ADAT1: variants seen among roughly 807,000 people sequenced by gnomAD.
ADAT1 encodes the protein tRNA-specific adenosine deaminase 1.
In ADAT1, 58 loss-of-function variants were observed where a neutral mutation model predicts 58.6. That is an observed-to-expected ratio of 0.99 (90% CI 0.80 to 1.23). ADAT1 has a LOEUF of 1.23. Among genes scored for constraint, ADAT1 ranks in the 50% most tolerant of loss-of-function variants. The pLI is 0.00. For synonymous variants in ADAT1, 254 were observed against 220.8 expected (o/e 1.15, Z -1.33); for missense variants, 741 against 608.6 (o/e 1.22, Z -2.29).
intron 5 of ADAT1, among the ~76,000 whole-genome samples, chr16:75,614,613 C>T (rs2081646377): frequency 6.6e-6 from 1 of 152,188 alleles, no homozygotes; most frequent in Admixed American, 6.5e-5. Context: ...TTGGAGAACT[C>T]ACCAGGGTCC....
chr16:75,615,480 TAAAAAAAAAAAAAAAAAAAAAAAA>T (rs56149357), intron 5 of ADAT1, among the ~76,000 whole-genome samples: 1 of 32,944 alleles, frequency 3.0e-5, no homozygotes, highest in Non-Finnish European at 1.2e-4. Context: ...GTTGATGAGC[TAAAAAAAAAAAAAAAAAAAAAAAA>T]AAAAAAAAAA....
In ADAT1 at chr16:75,597,662, C is replaced by T. The variant is rs376152375; in HGVS notation, c.*2554G>A. ...CACCATAAGGTAGAATCAGTAGGAG[C>T]CCTGAGCTTGTTTTCCTGCAACTAG... On this transcript the variant is annotated 3_prime_UTR_variant, in exon 10 of 10. Coordinates refer to ENST00000564657, the MANE Select transcript of ADAT1 (RefSeq NM_001324445.2). Among the ~76,000 whole-genome samples, 8 of 152,198 alleles carry T rather than the reference C, an allele frequency of 5.3e-5. No individual in the cohort carries two copies. The highest frequency in any genetic ancestry group is 3.3e-4 in the Admixed American group (5 of 15,296).
Position 75,600,276 on chromosome 16 carries a change from G to C in ADAT1, c.1449C>G (p.Leu483=), listed in dbSNP as rs757546362. 5.6e-6 allele frequency: 9 copies of C among 1,614,016 alleles called. No homozygotes were observed. The highest frequency in any genetic ancestry group is 1.6e-4 in the Middle Eastern group (1 of 6,080). The change falls in exon 10 of 10, where the codon CTC becomes CTG. Residue 483 remains leucine, a synonymous_variant. Transcript: ENST00000564657. The stretch of plus-strand genomic sequence containing the variant: ...TCCAGGATCCAAACACCTGCTTCCG[G>C]AGTGTGCTCCAGGCTTCCTGGTAAG... ...ASSYQEAWST[L]RKQVFGSWIR... is the part of the protein sequence containing the mutation.
intron 5 of ADAT1, among the ~76,000 whole-genome samples, chr16:75,613,152 C>A (rs1022082981): frequency 6.6e-5 from 10 of 152,176 alleles, no homozygotes; most frequent in African/African-American, 2.4e-4. Flanking sequence ...TCCTCTAGGG[C>A]TCTTGTTGAA....
At chr16:75,618,544 AC>A in intron 4 of ADAT1, 41 bp downstream of exon 4, 1 of 1,341,404 alleles carries the variant, frequency 7.5e-7, no homozygotes, top group Non-Finnish European at 1.0e-6. Flanking sequence ...CGGGACTCCC[AC>A]CCCAGTCCTG....
chr16:75,599,902 C>A lies in ADAT1; in HGVS notation c.*314G>T, dbSNP rs557891781. The A allele has an allele frequency of 9.3e-6, 10 of 1,072,812 alleles. No individual in the cohort carries two copies. In the South Asian group the frequency reaches 3.0e-4, roughly 32 times the overall value. 66.5% of individuals were successfully genotyped at this position (1,072,812 alleles called of 1,614,324 possible). On this transcript the variant is annotated 3_prime_UTR_variant, in exon 10 of 10. Coordinates refer to ENST00000564657, the MANE Select transcript of ADAT1 (RefSeq NM_001324445.2). ...ATATTTGCTGAATCAATGTAGGAAC[C>A]CATAAAACAGAGCTGCTGCAGAGTA...
chr16:75,608,379 A>T (rs1032619377), intron 7 of ADAT1, 56 bp from the exon 8 acceptor site: 73 of 1,405,064 alleles, frequency 5.2e-5, no homozygotes, highest in Non-Finnish European at 6.9e-5. Flanking sequence ...TGAAAGTCAG[A>T]AGTATTTTAA....
intron 8 of ADAT1, among the ~76,000 whole-genome samples, chr16:75,605,419 CT>C (rs1488976049): frequency 2.0e-5 from 3 of 152,038 alleles, no homozygotes; most frequent in Admixed American, 1.3e-4. Context: ...ATAACATTTT[CT>C]TTTTTTAGTT....
In ADAT1 at chr16:75,618,653, T is replaced by C. The variant is rs117547914; in HGVS notation, c.239-13A>G. Reference sequence around the variant, plus strand: ...TTGAGGATGTCTCCTGCGGCAAAGATAGGACACCAGGTGAAGACATATGGA... The same window carrying C: ...TTGAGGATGTCTCCTGCGGCAAAGACAGGACACCAGGTGAAGACATATGGA... On this transcript the variant is annotated splice_polypyrimidine_tract_variant and intron_variant, in intron 3 of 9. Coordinates refer to ENST00000564657, the MANE Select transcript of ADAT1 (RefSeq NM_001324445.2). 7.1e-4 allele frequency: 1,146 copies of C among 1,612,706 alleles called. 8 individuals are homozygous for C. The East Asian group carries it at 0.02, about 28-fold the overall frequency.
rs1555508674 is a variant in ADAT1 at position 75,604,456 on chromosome 16, A to AAAAAAAT, written c.1290-1286_1290-1285insATTTTTT. ...TCAAAAAAAAAAAAAAAAAAAAAAA[A>AAAAAAAT]ATATATATATATATATATACACACA... On this transcript the variant is annotated intron_variant, in intron 8 of 9. Transcript: ENST00000564657. Among the ~76,000 whole-genome samples the AAAAAAAT allele has an allele frequency of 2.5e-3, 124 of 48,752 alleles. 6 individuals are homozygous for AAAAAAAT. The highest frequency in any genetic ancestry group is 3.1e-3 in the South Asian group (3 of 962). 32.0% of individuals were successfully genotyped at this position (48,752 alleles called of 152,430 possible).
chr16:75,612,262 G>T lies in ADAT1; in HGVS notation c.1024C>A (p.Gln342Lys). ...GKCPYSQEAMQRALIGRCQNV... is the reference protein window; with the variant it reads ...GKCPYSQEAMKRALIGRCQNV... ...TCTCACCTTCCAATCAGTGCTCTCT[G>T]CATGGCTTCCTGGCTGTATGGGCAC... is the stretch of plus-strand genomic sequence containing the variant. The change falls in exon 6 of 10, where the codon CAG becomes AAG. Residue 342 changes from glutamine to lysine, a missense_variant. Physicochemically the swap from Gln to Lys is moderately conservative, Grantham distance 53. Coordinates refer to ENST00000564657, the MANE Select transcript of ADAT1 (RefSeq NM_001324445.2). The T allele has an allele frequency of 1.9e-6, 3 of 1,614,064 alleles. No individual in the cohort carries two copies. Among genetic ancestry groups the T allele is most frequent in the Non-Finnish European group, 2.5e-6 (3 of 1,179,994 alleles).
At chr16:75,617,453 G>A (rs2081770325) in intron 4 of ADAT1, among the ~76,000 whole-genome samples, 181 bp from the exon 5 acceptor site, 1 of 152,044 alleles carries the variant, frequency 6.6e-6, no homozygotes, top group Admixed American at 6.5e-5. Flanking sequence ...AGCAGCATCA[G>A]CATCACCTGG....
intron 5 of ADAT1, among the ~76,000 whole-genome samples, chr16:75,614,991 G>C (rs1371880428): frequency 6.6e-6 from 1 of 152,054 alleles, no homozygotes; most frequent in South Asian, 2.1e-4. Flanking sequence ...TTGGGAGGCC[G>C]AGGTGGGCGA....
At chr16:75,603,209 G>T in intron 8 of ADAT1, 38 bp from the exon 9 acceptor site, 1 of 1,559,844 alleles carries the variant, frequency 6.4e-7, no homozygotes, top group Non-Finnish European at 8.8e-7. Flanking sequence ...TTTATTAAGT[G>T]TTTAGTATGT....
At chr16:75,620,013 G>A (rs1224405493) in intron 3 of ADAT1, among the ~76,000 whole-genome samples, 3 of 152,070 alleles carry the variant, frequency 2.0e-5, no homozygotes, top group Non-Finnish European at 4.4e-5. Context: ...GCTAAACCCA[G>A]GGACTCTGTG....
intron 6 of ADAT1, 81 bp downstream of exon 6, chr16:75,612,162 A>C: frequency 1.4e-6 from 2 of 1,449,454 alleles, no homozygotes; most frequent in Non-Finnish European, 1.9e-6. Context: ...AAAGGTATGG[A>C]GATTCTTAAT....
At chr16:75,602,810 T>C (rs773958841) in intron 9 of ADAT1, among the ~76,000 whole-genome samples, 1 of 152,224 alleles carries the variant, frequency 6.6e-6, no homozygotes, top group African/African-American at 2.4e-5. Context: ...GTGATCTCCA[T>C]CTAGAGGTGG....
At chr16:75,614,504 A>G (rs747675410) in intron 5 of ADAT1, among the ~76,000 whole-genome samples, 8 of 152,238 alleles carry the variant, frequency 5.3e-5, no homozygotes, top group Non-Finnish European at 8.8e-5. Flanking sequence ...TGTAATCTTT[A>G]TAACTCAAGA....
chr16:75,612,189 C>T, intron 6 of ADAT1, 54 bp downstream of exon 6: 1 of 1,579,728 alleles, frequency 6.3e-7, no homozygotes. Context: ...AGGCCTTACC[C>T]TCAGACTGCC....
Sources: allele counts gnomAD v4.1 joint callset (sites outside exome capture counted in the v4.1 genomes callset), GRCh38; gene constraint gnomAD v4.1.1; transcripts MANE v1.5; gene names NCBI Gene and HGNC (gene_info 2026-07-23, HGNC 2026-07-21).